NLGN1: variants seen among roughly 807,000 people sequenced by gnomAD.
NLGN1 encodes neuroligin 1.
A neutral mutation model predicts 65.5 loss-of-function variants in NLGN1; 12 were observed. That is an observed-to-expected ratio of 0.18 (90% confidence interval 0.12 to 0.30). NLGN1 has a LOEUF of 0.30. Ranked by LOEUF, NLGN1 falls within the 10% of genes least tolerant of loss-of-function variation. The pLI, the probability that NLGN1 is intolerant of heterozygous loss-of-function variation, is 1.00. For missense variants in NLGN1, 750 were observed against 1,007.1 expected, an observed-to-expected ratio of 0.74 and a Z score of 3.46; for synonymous variants, 350 against 359.5, an observed-to-expected ratio of 0.97 and a Z score of 0.30.
At position 174,205,065 on chromosome 3, in the gene NLGN1, A is replaced by C. The variant is rs563026469; in HGVS notation, c.647-70250A>C. On this transcript the variant is annotated intron_variant, in intron 4 of 6. Coordinates refer to ENST00000457714, the Ensembl canonical transcript of NLGN1. ...CTGTACTGAACACAAAATAGTTAGC[A>C]AACTATTGTGGCATTTTTATTAATT... 1.2e-4 allele frequency among the ~76,000 whole-genome samples: 19 copies of C among 152,336 alleles called. No individual in the cohort carries two copies. The South Asian group carries it at 3.7e-3, about 30-fold the overall frequency.
intron 2 of NLGN1, among the ~76,000 whole-genome samples, chr3:173,501,254 C>G (rs1731074388): frequency 6.6e-6 from 1 of 152,036 alleles, no homozygotes; most frequent in African/African-American, 2.4e-5. Flanking sequence ...TGCTCTCCCT[C>G]CCCCGGCAGT....
chr3:174,100,646 A>G (rs1317247445), intron 4 of NLGN1, among the ~76,000 whole-genome samples: 1 of 152,100 alleles, frequency 6.6e-6, no homozygotes, highest in Non-Finnish European at 1.5e-5. Context: ...ATCTTCTCTT[A>G]AGCCACCAGG....
chr3:173,607,496 T>C (rs1349579186), intron 3 of NLGN1, among the ~76,000 whole-genome samples: 5 of 151,576 alleles, frequency 3.3e-5, no homozygotes, highest in African/African-American at 1.2e-4. Context: ...ATTTTTGATG[T>C]AATTTTATTA....
intron 1 of NLGN1, among the ~76,000 whole-genome samples, chr3:173,405,415 C>A (rs1363404938): frequency 6.6e-6 from 1 of 151,898 alleles, no homozygotes; most frequent in East Asian, 1.9e-4. Flanking sequence ...TACTATGCCT[C>A]CACTACTGCT....
intron 4 of NLGN1, among the ~76,000 whole-genome samples, chr3:174,238,679 T>C (rs9829494): frequency 2.0e-5 from 3 of 152,210 alleles, no homozygotes; most frequent in Admixed American, 2.0e-4. Context: ...CTTCTTATGT[T>C]TTTTTCTCCC....
chr3:173,633,831 A>G (rs1756134936), intron 3 of NLGN1, among the ~76,000 whole-genome samples: 1 of 152,176 alleles, frequency 6.6e-6, no homozygotes, highest in South Asian at 2.1e-4. Flanking sequence ...TTTATAGGAA[A>G]AGAGAATATA....
chr3:174,143,856 G>A lies in NLGN1; in HGVS notation c.647-131459G>A, dbSNP rs1055109353. Among the ~76,000 whole-genome samples, 7 of 152,136 alleles carry A rather than the reference G, an allele frequency of 4.6e-5. No individual in the cohort carries two copies. The East Asian group carries it at 1.3e-3, about 29-fold the overall frequency. The stretch of plus-strand genomic sequence containing the variant: ...ATGCAATGTTGCTTGATTAATTAGT[G>A]TACCAATTTTTTTTAATTTTAGACT... On this transcript the variant is annotated intron_variant, in intron 4 of 6. Transcript: ENST00000457714.
chr3:173,827,012 A>C (rs1273147382), intron 4 of NLGN1, among the ~76,000 whole-genome samples: 1 of 152,056 alleles, frequency 6.6e-6, no homozygotes, highest in Non-Finnish European at 1.5e-5. Context: ...TCCAGAGAGG[A>C]AGCTGGAAAA....
chr3:173,915,025 T>C (rs1478275314), intron 4 of NLGN1: 1 of 152,204 alleles, frequency 6.6e-6, no homozygotes, highest in Non-Finnish European at 1.5e-5. Flanking sequence ...TGACAATGTT[T>C]TCTTTTTAAT....
chr3:173,398,302 A>G (rs1343097638), upstream of NLGN1: 1 of 152,162 alleles, frequency 6.6e-6, no homozygotes, highest in Non-Finnish European at 1.5e-5. Context: ...TCTTCCCCAC[A>G]ACGTTTCCTG....
chr3:173,952,243 C>T (rs148758810), intron 4 of NLGN1, among the ~76,000 whole-genome samples: 116 of 152,232 alleles, frequency 7.6e-4, no homozygotes, highest in Non-Finnish European at 1.3e-3. Flanking sequence ...GCATATTTCC[C>T]GATAAGAGCC....
upstream of NLGN1, chr3:173,397,752 T>G (rs1031191156): frequency 1.3e-5 from 2 of 151,974 alleles, no homozygotes; most frequent in Non-Finnish European, 2.9e-5. Flanking sequence ...GCGCCGCGGC[T>G]GTAAGCCGAG....
At chr3:173,751,714 C>T (rs1158479545) in intron 3 of NLGN1, among the ~76,000 whole-genome samples, 1 of 151,950 alleles carries the variant, frequency 6.6e-6, no homozygotes, top group Non-Finnish European at 1.5e-5. Context: ...CACAGCAAAA[C>T]CATAGAATGT....
At chr3:174,103,693 A>G (rs1713069174) in intron 4 of NLGN1, among the ~76,000 whole-genome samples, 1 of 152,128 alleles carries the variant, frequency 6.6e-6, no homozygotes, top group Non-Finnish European at 1.5e-5. Flanking sequence ...GTTGTACAAA[A>G]CATAAAGATA....
intron 4 of NLGN1, among the ~76,000 whole-genome samples, chr3:174,268,087 T>C (rs1748624151): frequency 6.6e-6 from 1 of 152,196 alleles, no homozygotes; most frequent in South Asian, 2.1e-4. Context: ...TCTTATATGA[T>C]AGACATTGTC....
chr3:173,869,712 A>G (rs1730821434), intron 4 of NLGN1, among the ~76,000 whole-genome samples: 1 of 152,190 alleles, frequency 6.6e-6, no homozygotes, highest in African/African-American at 2.4e-5. Context: ...GACACATAGC[A>G]CAAAAGAAAG....
At chr3:173,452,069 C>T (rs1352140272) in intron 2 of NLGN1, among the ~76,000 whole-genome samples, 1 of 152,214 alleles carries the variant, frequency 6.6e-6, no homozygotes, top group Non-Finnish European at 1.5e-5. Flanking sequence ...CTCTGTCCTG[C>T]ACCCACTGTC....
At position 173,957,694 on chromosome 3, in the gene NLGN1, A is replaced by AAT. The variant is rs779977927; in HGVS notation, c.646+149864_646+149865dup. On this transcript the variant is annotated intron_variant, in intron 4 of 6. Transcript: ENST00000457714. ...CTTAAGAGAAGGAATACACCTTACT[A>AAT]ATAGTTTCTGCTCCCTCCTATGGTC... Among the ~76,000 whole-genome samples, 9 of 152,318 alleles carry AAT rather than the reference A, an allele frequency of 5.9e-5. No homozygotes were observed. The East Asian group carries it at 1.5e-3, about 26-fold the overall frequency.
At chr3:173,946,899 T>C (rs116143518) in intron 4 of NLGN1, among the ~76,000 whole-genome samples, 446 of 152,284 alleles carry the variant, frequency 2.9e-3, no homozygotes, top group African/African-American at 0.01. Context: ...CATAGTATCA[T>C]GTTTAAGTGA....
Sources: gnomAD v4.1 joint callset for allele counts (sites outside exome capture counted in the v4.1 genomes callset) on GRCh38, gnomAD v4.1.1 for gene constraint, MANE v1.5 for transcripts, NCBI Gene and HGNC (gene_info 2026-07-23, HGNC 2026-07-21) for gene names.